CCDC47: variants seen among roughly 807,000 people sequenced by gnomAD.
CCDC47 encodes the protein PAT complex subunit CCDC47.
CCDC47 carries 41 observed loss-of-function variants against 60.5 expected under a neutral mutation model. The ratio of observed to expected loss-of-function variants is 0.68; its 90% CI spans 0.53 to 0.88. CCDC47 has a LOEUF of 0.88. Ranked by LOEUF, CCDC47 falls within the 40% of genes least tolerant of loss-of-function variation. The pLI is 0.00. For missense variants in CCDC47, 513 were observed against 580.9 expected (o/e 0.88, Z 1.20); for synonymous variants, 195 against 190.7 (o/e 1.02, Z -0.18).
At chr17:63,748,008 C>T (rs1295122982) in intron 12 of CCDC47, among the ~76,000 whole-genome samples, 1 of 147,704 alleles carries the variant, frequency 6.8e-6, no homozygotes, top group South Asian at 2.1e-4. Flanking sequence ...GCATGTGCCA[C>T]CACACCCAGC....
Position 63,766,028 on chromosome 17 carries a change from CAG to C in CCDC47, c.146_147del (p.Ser49CysfsTer3). 6.2e-7 allele frequency: 1 copy of C among 1,614,054 alleles called. No homozygotes were observed. ...FAEFEDVMED[S>X]VTESPQRVII... ...ATGACCCGTTGAGGAGATTCAGTAA[CAG>C]AGTCTTCCATGACATCCTCAAATTC... On this transcript the variant is annotated frameshift_variant, in exon 2 of 13. Coordinates refer to ENST00000225726, the MANE Select transcript of CCDC47 (RefSeq NM_020198.3). LOFTEE classifies it high-confidence loss of function.
intron 1 of CCDC47, among the ~76,000 whole-genome samples, chr17:63,771,041 GAAGGAAGA>G (rs1220541454): frequency 2.5e-4 from 8 of 31,678 alleles, no homozygotes; most frequent in Non-Finnish European, 4.2e-4. Flanking sequence ...AGGAAGGAAG[GAAGGAAGA>G]AAGAAAGAAA....
chr17:63,759,713 A>C (rs1249850556), intron 6 of CCDC47, among the ~76,000 whole-genome samples: 4 of 150,710 alleles, frequency 2.7e-5, no homozygotes, highest in Admixed American at 6.6e-5. Flanking sequence ...GAAAAGAAAA[A>C]AACTGTCTTC....
rs1598311431 is a variant in CCDC47, at chr17:63,766,034, C to A, written c.142G>T (p.Asp48Tyr). 2 of 1,614,092 alleles carry A rather than the reference C, an allele frequency of 1.2e-6. No homozygotes were observed. ...CGTTGAGGAGATTCAGTAACAGAGT[C>A]TTCCATGACATCCTCAAATTCAGCG... ...DFAEFEDVME[D>Y]SVTESPQRVI... Residue 48 changes from aspartate (D) to tyrosine (Y), a missense_variant, in exon 2 of 13, where the codon GAC becomes TAC. Transcript: ENST00000225726.
rs570721404 is a variant in CCDC47, at chr17:63,753,777, A to G, written c.1034+656T>C. ...ACACACAGATTTGTAATCAGACATA[A>G]GTCAAACATCACACACAAATTATTA... On this transcript the variant is annotated intron_variant, in intron 9 of 12. Coordinates refer to ENST00000225726, the MANE Select transcript of CCDC47 (RefSeq NM_020198.3). 2.1e-5 allele frequency: 4 copies of G among 192,992 alleles called. No homozygotes were observed. The South Asian group carries it at 7.3e-4, about 35-fold the overall frequency. 12.0% of individuals were successfully genotyped at this position (192,992 alleles called of 1,614,324 possible).
At chr17:63,768,683 C>T (rs1338506967) in intron 1 of CCDC47, among the ~76,000 whole-genome samples, 6 of 151,908 alleles carry the variant, frequency 3.9e-5, no homozygotes, top group African/African-American at 1.5e-4. Flanking sequence ...GACAGTGAAA[C>T]GTGCCTCAAA....
In CCDC47 at chr17:63,747,104, T is replaced by A. The variant is rs960144765; in HGVS notation, c.1372-143A>T. 8.1e-6 allele frequency: 11 copies of A among 1,354,934 alleles called. No individual in the cohort carries two copies. In the African/African-American group the frequency reaches 1.6e-4, roughly 20 times the overall value. 83.9% of individuals were successfully genotyped at this position (1,354,934 alleles called of 1,614,324 possible). On this transcript the variant is annotated intron_variant, in intron 12 of 12. Coordinates refer to ENST00000225726, the MANE Select transcript of CCDC47 (RefSeq NM_020198.3). The stretch of plus-strand genomic sequence containing the variant: ...AAAAACTTAGGCTTGCACCATAACA[T>A]TCTAGAAGATAGTTATAAAAATAAT...
At chr17:63,752,469 G>C in intron 10 of CCDC47, 40 bp from the exon 11 acceptor site, 2 of 1,293,658 alleles carry the variant, frequency 1.5e-6, no homozygotes, top group South Asian at 1.4e-5. Context: ...GTTAATGGTA[G>C]CATTAATATT....
At chr17:63,761,775 G>A in intron 4 of CCDC47, 1 of 955,894 alleles carries the variant, frequency 1.0e-6, no homozygotes, top group Non-Finnish European at 1.2e-6. Context: ...CTTCAGAGTA[G>A]CAATACTTTG....
chr17:63,771,013 AAAGGAAGGAAGGAAGG>A (rs775583739), intron 1 of CCDC47, among the ~76,000 whole-genome samples: 10 of 110,200 alleles, frequency 9.1e-5, no homozygotes, highest in East Asian at 6.4e-4. Flanking sequence ...AGAAAGAAAG[AAAGGAAGGAAGGAAGG>A]AAGGAAGGAA....
chr17:63,767,235 T>A (rs942405907), intron 1 of CCDC47, among the ~76,000 whole-genome samples: 3 of 152,250 alleles, frequency 2.0e-5, no homozygotes, highest in Non-Finnish European at 4.4e-5. Context: ...TGTGCTTTCA[T>A]ATTACTTGCT....
intron 12 of CCDC47, among the ~76,000 whole-genome samples, chr17:63,748,058 T>C (rs573722311): frequency 6.3e-4 from 94 of 148,054 alleles, no homozygotes; most frequent in African/African-American, 2.4e-3. Flanking sequence ...TTTCACCATG[T>C]TGGCCAGGCT....
At chr17:63,773,327 G>A (rs1202516765) in intron 1 of CCDC47, 85 bp downstream of exon 1, 3 of 152,292 alleles carry the variant, frequency 2.0e-5, no homozygotes, top group African/African-American at 7.2e-5. Context: ...ATCTCAACCG[G>A]ACCGGGCTAC....
intron 9 of CCDC47, chr17:63,753,671 A>G (rs1165568764): frequency 3.1e-6 from 3 of 975,890 alleles, no homozygotes; most frequent in Non-Finnish European, 2.4e-6. Flanking sequence ...CCCTATGGAC[A>G]TTGTGGGCTT....
chr17:63,765,735 C>T (rs2039293039), intron 2 of CCDC47, 177 bp downstream of exon 2: 3 of 1,399,070 alleles, frequency 2.1e-6, no homozygotes, highest in Non-Finnish European at 2.8e-6. Context: ...GAACACAATT[C>T]ATTCTGTTAA....
intron 12 of CCDC47, among the ~76,000 whole-genome samples, chr17:63,751,539 A>G (rs1045581234): frequency 2.0e-5 from 3 of 152,116 alleles, no homozygotes; most frequent in Non-Finnish European, 4.4e-5. Flanking sequence ...CAAAAATACA[A>G]ACAAAAATAT....
intron 2 of CCDC47, chr17:63,765,642 T>G: frequency 8.8e-7 from 1 of 1,140,808 alleles, no homozygotes; most frequent in Non-Finnish European, 1.1e-6. Context: ...GCCCAGCCAA[T>G]TGCAAAGTTC....
At chr17:63,760,063 A>AAG (rs1330672712) in intron 6 of CCDC47, among the ~76,000 whole-genome samples, 96 of 19,216 alleles carry the variant, frequency 5.0e-3, no homozygotes, top group African/African-American at 0.049. Context: ...ACTCCGTCTC[A>AAG]AAAAAAAAAA....
chr17:63,748,403 G>A (rs757477033), intron 12 of CCDC47, among the ~76,000 whole-genome samples: 1 of 151,906 alleles, frequency 6.6e-6, no homozygotes, highest in Non-Finnish European at 1.5e-5. Flanking sequence ...ATGAGCCACC[G>A]CGCCCGGCCT....
Sources: allele counts gnomAD v4.1 joint callset (sites outside exome capture counted in the v4.1 genomes callset), GRCh38; gene constraint gnomAD v4.1.1; transcripts MANE v1.5; gene names NCBI Gene and HGNC (gene_info 2026-07-23, HGNC 2026-07-21).